Variants in MACROD2 observed in about 807,000 individuals in gnomAD.
MACROD2 encodes mono-ADP ribosylhydrolase 2.
A neutral mutation model predicts 70.4 loss-of-function variants in MACROD2; 36 were observed. That is an observed-to-expected ratio of 0.51 (90% CI 0.39 to 0.68). The LOEUF is 0.68. Among genes scored for constraint, MACROD2 ranks in the 30% least tolerant of loss-of-function variants. The pLI is 0.00. For synonymous variants in MACROD2, 172 were observed against 178.8 expected, an observed-to-expected ratio of 0.96 and a Z score of 0.30; for missense variants, 496 against 538.4, an observed-to-expected ratio of 0.92 and a Z score of 0.78.
intron 8 of MACROD2, among the ~76,000 whole-genome samples, chr20:15,724,918 T>G (rs1157970013): frequency 6.6e-6 from 1 of 151,944 alleles, no homozygotes; most frequent in Non-Finnish European, 1.5e-5. Flanking sequence ...CCATCTCTAC[T>G]ATAAATACAA....
intron 8 of MACROD2, among the ~76,000 whole-genome samples, chr20:15,651,587 G>A (rs1259082652): frequency 6.6e-6 from 1 of 152,118 alleles, no homozygotes; most frequent in African/African-American, 2.4e-5. Flanking sequence ...AAACTTAACA[G>A]GGTCAATATG....
At chr20:15,869,794 G>A (rs971686540) in intron 9 of MACROD2, among the ~76,000 whole-genome samples, 7 of 151,840 alleles carry the variant, frequency 4.6e-5, no homozygotes, top group Admixed American at 2.0e-4. Context: ...ATTATATCTC[G>A]GGAACTTCTT....
At position 15,660,445 on chromosome 20, in the gene MACROD2, A is replaced by G. The variant is rs560065793; in HGVS notation, c.645+160598A>G. ...CTCACTGACACCTGGAAAGCCACGT[A>G]GTTTTTCAGATTTATTTAGAAAATA... On this transcript the variant is annotated intron_variant, in intron 8 of 17. Coordinates refer to ENST00000684519, the MANE Select transcript of MACROD2 (RefSeq NM_001351661.2). Among the ~76,000 whole-genome samples the G allele has an allele frequency of 2.6e-5, 4 of 152,214 alleles. No individual in the cohort carries two copies. In the East Asian group the frequency reaches 7.7e-4, roughly 29 times the overall value.
At chr20:15,193,792 T>A (rs2076587338) in intron 5 of MACROD2, among the ~76,000 whole-genome samples, 1 of 152,008 alleles carries the variant, frequency 6.6e-6, no homozygotes, top group African/African-American at 2.4e-5. Flanking sequence ...TTGGTGGTTA[T>A]GTACAAAGGA....
chr20:15,347,378 A>G (rs913072803), intron 6 of MACROD2, among the ~76,000 whole-genome samples: 7 of 152,170 alleles, frequency 4.6e-5, no homozygotes, highest in African/African-American at 1.4e-4. Context: ...TGTACTCACT[A>G]TATAGGCCAC....
At chr20:15,921,513 C>T (rs1177659990) in intron 10 of MACROD2, among the ~76,000 whole-genome samples, 1 of 152,174 alleles carries the variant, frequency 6.6e-6, no homozygotes, top group African/African-American at 2.4e-5. Context: ...CTCCTTTTAC[C>T]CCATTCATTC....
At chr20:15,672,728 C>A (rs757677380) in intron 8 of MACROD2, among the ~76,000 whole-genome samples, 1 of 152,148 alleles carries the variant, frequency 6.6e-6, no homozygotes, top group African/African-American at 2.4e-5. Context: ...TCTGCCCTTT[C>A]CTGCTGATTA....
At chr20:14,458,352 A>C (rs564970115) in intron 3 of MACROD2, among the ~76,000 whole-genome samples, 1 of 152,258 alleles carries the variant, frequency 6.6e-6, no homozygotes, top group East Asian at 1.9e-4. Context: ...AAAATTATGG[A>C]TCATTAGAAT....
chr20:15,295,253 T>G (rs928445942), intron 6 of MACROD2, among the ~76,000 whole-genome samples: 2 of 152,190 alleles, frequency 1.3e-5, no homozygotes, highest in African/African-American at 2.4e-5. Context: ...GTGAGACCAT[T>G]AAACCTCTTT....
intron 6 of MACROD2, among the ~76,000 whole-genome samples, chr20:15,339,700 C>T (rs2078086574): frequency 6.6e-6 from 1 of 151,736 alleles, no homozygotes; most frequent in Admixed American, 6.6e-5. Flanking sequence ...TTGGATATTA[C>T]TTGAACCAGT....
At chr20:15,268,273 G>T (rs1254371616) in intron 6 of MACROD2, among the ~76,000 whole-genome samples, 1 of 152,188 alleles carries the variant, frequency 6.6e-6, no homozygotes, top group Non-Finnish European at 1.5e-5. Flanking sequence ...TGGAAAAGAA[G>T]TTGACTGTTG....
chr20:15,863,865 T>C (rs1334043034), intron 9 of MACROD2, among the ~76,000 whole-genome samples: 2 of 152,340 alleles, frequency 1.3e-5, no homozygotes, highest in African/African-American at 4.8e-5. Flanking sequence ...AGCTCTCTGC[T>C]AATGCCCTAA....
At chr20:15,256,563 G>T (rs1447065551) in intron 6 of MACROD2, among the ~76,000 whole-genome samples, 1 of 151,760 alleles carries the variant, frequency 6.6e-6, no homozygotes, top group Non-Finnish European at 1.5e-5. Context: ...AGTAACTATC[G>T]AACTGGAAAA....
At chr20:14,550,184 A>C (rs888425297) in intron 4 of MACROD2, among the ~76,000 whole-genome samples, 1 of 152,056 alleles carries the variant, frequency 6.6e-6, no homozygotes, top group East Asian at 1.9e-4. Flanking sequence ...CGGCTTCCCA[A>C]AGTGTTGGGA....
At position 14,655,995 on chromosome 20, in the gene MACROD2, C is replaced by G. The variant is rs139897779; in HGVS notation, c.302-28848C>G. Among the ~76,000 whole-genome samples, 258 of 152,278 alleles carry G rather than the reference C, an allele frequency of 1.7e-3. 1 individual carries two copies. Among genetic ancestry groups the G allele is most frequent in the African/African-American group, 5.9e-3 (245 of 41,544 alleles). The stretch of plus-strand genomic sequence containing the variant: ...AATGAAGAAAGGAGCTGTAGGGTCC[C>G]CTGCCGCCTTCTATAAATGAGCAAA... On this transcript the variant is annotated intron_variant, in intron 4 of 17. Transcript: ENST00000684519.
At chr20:15,105,216 T>G (rs2075901860) in intron 5 of MACROD2, among the ~76,000 whole-genome samples, 1 of 152,160 alleles carries the variant, frequency 6.6e-6, no homozygotes, top group African/African-American at 2.4e-5. Flanking sequence ...CCAACTCAGC[T>G]TCTCTTCCTT....
intron 2 of MACROD2, chr20:14,003,771 T>A: frequency 2.6e-6 from 1 of 382,916 alleles, no homozygotes; most frequent in Non-Finnish European, 4.9e-6. Flanking sequence ...TAAAATCTTG[T>A]ACAAAGGTTA....
At chr20:14,885,592 G>C (rs908507242) in intron 5 of MACROD2, among the ~76,000 whole-genome samples, 2 of 152,138 alleles carry the variant, frequency 1.3e-5, no homozygotes, top group Admixed American at 1.3e-4. Context: ...TAAGAGTAAA[G>C]TGCAAATTTG....
At chr20:14,451,648 C>A (rs2084246469) in intron 3 of MACROD2, among the ~76,000 whole-genome samples, 1 of 152,134 alleles carries the variant, frequency 6.6e-6, no homozygotes, top group African/African-American at 2.4e-5. Context: ...GACTCAGCGG[C>A]AGGCCTAGCC....
Sources: allele counts gnomAD v4.1 joint callset (sites outside exome capture counted in the v4.1 genomes callset), GRCh38; gene constraint gnomAD v4.1.1; transcripts MANE v1.5; gene names NCBI Gene and HGNC (gene_info 2026-07-23, HGNC 2026-07-21).